Variants in PHLDB2 observed in about 807,000 individuals in gnomAD.
The protein encoded by PHLDB2 is pleckstrin homology-like domain family B member 2.
PHLDB2 carries 71 observed loss-of-function variants against 123.6 expected under a neutral mutation model. That is an observed-to-expected ratio of 0.57 (90% CI 0.47 to 0.70). The LOEUF is 0.70. Among genes scored for constraint, PHLDB2 ranks in the 30% least tolerant of loss-of-function variants. PHLDB2 has a pLI of 0.00. For synonymous variants in PHLDB2, 547 were observed against 541.6 expected, an observed-to-expected ratio of 1.01 and a Z score of -0.14; for missense variants, 1,446 against 1,519.5, an observed-to-expected ratio of 0.95 and a Z score of 0.80.
chr3:111,941,667 G>A (rs2069893150), intron 8 of PHLDB2, among the ~76,000 whole-genome samples: 2 of 152,054 alleles, frequency 1.3e-5, no homozygotes, highest in South Asian at 4.1e-4. Flanking sequence ...AATTAGCTGG[G>A]CATGGTAGCA....
chr3:111,764,535 A>T (rs915178538), intron 1 of PHLDB2, among the ~76,000 whole-genome samples: 1 of 152,164 alleles, frequency 6.6e-6, no homozygotes, highest in Admixed American at 6.5e-5. Context: ...CAGCATATAC[A>T]TGTTGATGTG....
intron 10 of PHLDB2, 34 bp downstream of exon 10, chr3:111,949,109 T>C: frequency 1.9e-6 from 3 of 1,607,996 alleles, no homozygotes; most frequent in Non-Finnish European, 2.5e-6. Flanking sequence ...CATTCACTGC[T>C]TTTCTTCATG....
intron 1 of PHLDB2, among the ~76,000 whole-genome samples, chr3:111,874,684 A>G (rs1388925585): frequency 6.6e-6 from 1 of 152,222 alleles, no homozygotes; most frequent in Non-Finnish European, 1.5e-5. Context: ...AGCAAGGGAC[A>G]TAGCCACACC....
chr3:111,765,429 A>G (rs2060062776), intron 1 of PHLDB2, among the ~76,000 whole-genome samples: 1 of 152,244 alleles, frequency 6.6e-6, no homozygotes, highest in Non-Finnish European at 1.5e-5. Flanking sequence ...TAAAGCTGAA[A>G]GCCATCCACA....
intron 15 of PHLDB2, among the ~76,000 whole-genome samples, chr3:111,969,221 T>G (rs1021801562): frequency 1.3e-5 from 2 of 152,222 alleles, no homozygotes; most frequent in Non-Finnish European, 2.9e-5. Context: ...TGTGGGATCC[T>G]GTGGGGGCCG....
At chr3:111,878,462 T>C (rs1045237159) in intron 1 of PHLDB2, among the ~76,000 whole-genome samples, 13 of 152,206 alleles carry the variant, frequency 8.5e-5, no homozygotes, top group Admixed American at 3.9e-4. Flanking sequence ...GCTGAGACGA[T>C]GGGGTTTTCT....
rs141646487 is a variant in PHLDB2, at chr3:111,796,214, A to G, written c.-48-49607A>G. 8.2e-3 allele frequency among the ~76,000 whole-genome samples: 1,246 copies of G among 152,284 alleles called. 6 individuals carry two copies. The highest frequency in any genetic ancestry group is 0.015 in the South Asian group (73 of 4,826). ...CATCCAGCCAAGACCTGTTTTCTTT[A>G]GAGGGAGAGAGGAATAGAAAAACGC... On this transcript the variant is annotated intron_variant, in intron 1 of 17. Transcript: ENST00000393923.
chr3:111,824,832 T>G (rs1198831336), intron 1 of PHLDB2, among the ~76,000 whole-genome samples: 1 of 152,196 alleles, frequency 6.6e-6, no homozygotes, highest in African/African-American at 2.4e-5. Flanking sequence ...TTTTAAAGTA[T>G]GTACTCTGTG....
rs3217516 is a variant in PHLDB2 at position 111,966,527 on chromosome 3, G to GGTGTGTGT, written c.3078-71_3078-64dup. 211 of 618,548 alleles carry GGTGTGTGT rather than the reference G, an allele frequency of 3.4e-4. 1 individual carries two copies. The highest frequency in any genetic ancestry group is 1.7e-3 in the South Asian group (77 of 44,788). The allele number at this position is 618,548 out of a possible 1,614,324, so 38.3% of individuals were successfully genotyped here. Reference sequence around the variant, plus strand: ...TGTGTGTGTGTGTGTGTGTGTCTGGGGTGTGTGTGTGTGTGTGTGTGTATG... The same window carrying GGTGTGTGT: ...TGTGTGTGTGTGTGTGTGTGTCTGGGGTGTGTGTGTGTGTGTGTGTGTGTGTGTGTATG... On this transcript the variant is annotated intron_variant, in intron 13 of 17. Transcript: ENST00000431670.
chr3:111,817,345 T>A (rs534624719), intron 1 of PHLDB2, among the ~76,000 whole-genome samples: 2 of 152,306 alleles, frequency 1.3e-5, no homozygotes, highest in Admixed American at 1.3e-4. Context: ...TATGTTGCTT[T>A]ATGCACAAGA....
At chr3:111,909,049 T>TA (rs1203629017) in intron 2 of PHLDB2, among the ~76,000 whole-genome samples, 1 of 152,174 alleles carries the variant, frequency 6.6e-6, no homozygotes, top group African/African-American at 2.4e-5. Context: ...AGCCACATAC[T>TA]AGTTGCTGAT....
chr3:111,885,309 A>T lies in PHLDB2; in HGVS notation c.1232A>T (p.Glu411Val). ...GGAACCCCCCAGCCTGCCCTTCGGG[A>T]ACGGAAAAGCAGTATTAGCTCCATT... is the stretch of plus-strand genomic sequence containing the variant. The part of the protein sequence containing the change: ...ASGTPQPALR[E>V]RKSSISSISG... The change falls in exon 2 of 18, where the codon GAA (glutamate) becomes GTA (valine). Residue 411 changes from glutamate to valine, a missense_variant. This residue lies in a region of PHLDB2 where 832 missense variants were observed against 831.9 expected (regional missense o/e 1.00). Transcript: ENST00000431670. The T allele has an allele frequency of 1.2e-6, 2 of 1,614,176 alleles. No individual in the cohort carries two copies. Among genetic ancestry groups the T allele is most frequent in the South Asian group, 2.2e-5 (2 of 91,084 alleles).
chr3:111,749,637 C>A (rs2059737528), intron 1 of PHLDB2, among the ~76,000 whole-genome samples: 1 of 152,192 alleles, frequency 6.6e-6, no homozygotes, highest in Non-Finnish European at 1.5e-5. Context: ...CTTGCAGGAA[C>A]TTCTTAGTGA....
rs1005890737 is a variant in PHLDB2 at position 111,975,234 on chromosome 3, G to A, written c.*671G>A. 1 of 149,196 alleles carries A rather than the reference G, an allele frequency of 6.7e-6. No individual in the cohort carries two copies. Among genetic ancestry groups the A allele is most frequent in the African/African-American group, 2.5e-5 (1 of 39,558 alleles). 9.2% of individuals were successfully genotyped at this position (149,196 alleles called of 1,614,324 possible). ...CTTTGCAGTGTCACCACTGGTGTAA[G>A]CTACTATATATGTATATATATATGT... is the stretch of plus-strand genomic sequence containing the variant. On this transcript the variant is annotated 3_prime_UTR_variant, in exon 18 of 18. Transcript: ENST00000431670.
intron 2 of PHLDB2, among the ~76,000 whole-genome samples, chr3:111,888,720 C>T (rs1390378139): frequency 6.6e-6 from 1 of 152,174 alleles, no homozygotes; most frequent in East Asian, 1.9e-4. Context: ...TTTACATTAA[C>T]AGGGTGCTTG....
intron 2 of PHLDB2, among the ~76,000 whole-genome samples, chr3:111,850,112 C>T (rs1331475893): frequency 1.3e-5 from 2 of 152,060 alleles, no homozygotes; most frequent in South Asian, 2.1e-4. Context: ...CCACCCACCT[C>T]GGCCTCCCCA....
chr3:111,773,912 C>T (rs759507931), intron 1 of PHLDB2, among the ~76,000 whole-genome samples: 4 of 152,166 alleles, frequency 2.6e-5, no homozygotes, highest in East Asian at 1.9e-4. Context: ...CACTCTCTTC[C>T]CACCACTTAC....
intron 1 of PHLDB2, among the ~76,000 whole-genome samples, chr3:111,864,711 T>G (rs950544268): frequency 5.3e-5 from 8 of 152,202 alleles, no homozygotes; most frequent in African/African-American, 1.9e-4. Context: ...CAAAAAGTTT[T>G]TGAGAGGATT....
chr3:111,870,263 G>T (rs950338125), intron 1 of PHLDB2, among the ~76,000 whole-genome samples: 1 of 152,122 alleles, frequency 6.6e-6, no homozygotes, highest in Non-Finnish European at 1.5e-5. Flanking sequence ...TTTGCTTAGA[G>T]GGGGGTGTTT....
Sources: gnomAD v4.1 joint callset for allele counts (sites outside exome capture counted in the v4.1 genomes callset) on GRCh38, gnomAD v4.1.1 for gene constraint, gnomAD v4.1.1 regional missense constraint, MANE v1.5 for transcripts, NCBI Gene and HGNC (gene_info 2026-07-23, HGNC 2026-07-21) for gene names.